Variants in BMPR2 observed in about 807,000 individuals in gnomAD.
BMPR2 encodes bone morphogenetic protein receptor type-2.
BMPR2 carries 29 observed loss-of-function variants against 100.8 expected under a neutral mutation model. The observed-to-expected ratio is 0.29, with a 90% CI of 0.21 to 0.39. BMPR2 has a LOEUF of 0.39. BMPR2 is among the 10% of genes least tolerant of loss of function. BMPR2 has a pLI of 1.00. For missense variants in BMPR2, 1,011 were observed against 1,274.5 expected, an observed-to-expected ratio of 0.79 and a Z score of 3.15; for synonymous variants, 382 against 442.3, an observed-to-expected ratio of 0.86 and a Z score of 1.71.
rs1688576527 is a variant in BMPR2 at position 202,556,549 on chromosome 2, A to G, written c.2866+18A>G. On this transcript the variant is annotated intron_variant, in intron 12 of 12. Transcript: ENST00000374580. ...TATACAGAGTAAGTGGAGGGATCAT[A>G]TAATCTCTCCTGTGTGTCTTTTGGG... The G allele has an allele frequency of 6.2e-7, 1 of 1,609,158 alleles. No individual in the cohort carries two copies. The highest frequency in any genetic ancestry group is 8.5e-7 in the Non-Finnish European group (1 of 1,179,614).
At chr2:202,380,292 C>G (rs2105894340) in intron 1 of BMPR2, among the ~76,000 whole-genome samples, 2 of 151,976 alleles carry the variant, frequency 1.3e-5, no homozygotes, top group Middle Eastern at 6.8e-3. Flanking sequence ...ATTTAAAGGT[C>G]AACTTCTGTA....
At chr2:202,455,234 C>T (rs1017599768) in intron 1 of BMPR2, among the ~76,000 whole-genome samples, 7 of 151,998 alleles carry the variant, frequency 4.6e-5, no homozygotes, top group African/African-American at 1.4e-4. Flanking sequence ...TCACACTAAC[C>T]GTATTTCAAG....
rs535884753 is a variant in BMPR2, at chr2:202,429,676, G to C, written c.77-35133G>C. Among the ~76,000 whole-genome samples, 114 of 152,218 alleles carry C rather than the reference G, an allele frequency of 7.5e-4. 1 individual carries two copies. The Middle Eastern group carries it at 0.01, about 14-fold the overall frequency. On this transcript the variant is annotated intron_variant, in intron 1 of 12. Transcript: ENST00000374580. ...GACTGAGTAATTTATAAAGGAAAGA[G>C]GTTTAATTGACTCACAGTTCCACAT...
chr2:202,428,367 T>C (rs933384203), intron 1 of BMPR2, among the ~76,000 whole-genome samples: 3 of 151,474 alleles, frequency 2.0e-5, no homozygotes, highest in African/African-American at 4.9e-5. Context: ...GTCGAGTCTG[T>C]CTCTCTCCTT....
chr2:202,385,727 CTG>C (rs1308331661), intron 1 of BMPR2, among the ~76,000 whole-genome samples: 15 of 69,760 alleles, frequency 2.2e-4, no homozygotes, highest in East Asian at 8.3e-4. Context: ...TTAATTATAT[CTG>C]TTTTTTTTAC....
intron 1 of BMPR2, among the ~76,000 whole-genome samples, chr2:202,382,646 G>T (rs1690328217): frequency 6.6e-6 from 1 of 152,218 alleles, no homozygotes. Context: ...ATATTCTAGG[G>T]TTGTTTATTG....
chr2:202,426,897 A>C (rs1350768746), intron 1 of BMPR2, among the ~76,000 whole-genome samples: 1 of 152,108 alleles, frequency 6.6e-6, no homozygotes, highest in East Asian at 1.9e-4. Flanking sequence ...AGTAAAATAA[A>C]ATAAATTGCT....
rs1454725485 is a variant in BMPR2 at position 202,503,155 on chromosome 2, T to C, written c.419-10564T>C. Reference sequence around the variant, plus strand: ...CAGCAGGAAATAGCTAGAGCGGTCATTGGCCAAATTCCCAACAGCATTTGG... The same window carrying C: ...CAGCAGGAAATAGCTAGAGCGGTCACTGGCCAAATTCCCAACAGCATTTGG... On this transcript the variant is annotated intron_variant, in intron 3 of 12. Coordinates refer to ENST00000374580, the MANE Select transcript of BMPR2 (RefSeq NM_001204.7). The surrounding 1 kb of genome is among the most constrained non-coding windows in gnomAD (Gnocchi z 4.0). Among the ~76,000 whole-genome samples the C allele has an allele frequency of 6.6e-6, 1 of 152,206 alleles. No individual in the cohort carries two copies. Among genetic ancestry groups the C allele is most frequent in the East Asian group, 1.9e-4 (1 of 5,194 alleles).
chr2:202,484,441 G>A (rs1479026724), intron 3 of BMPR2, among the ~76,000 whole-genome samples: 5 of 150,866 alleles, frequency 3.3e-5, no homozygotes, highest in South Asian at 2.1e-4. Flanking sequence ...TTGGGAGGCC[G>A]AGGCGGGTGG....
intron 1 of BMPR2, among the ~76,000 whole-genome samples, chr2:202,423,748 C>T (rs1242950708): frequency 6.6e-6 from 1 of 151,994 alleles, no homozygotes; most frequent in Non-Finnish European, 1.5e-5. Context: ...CATAAGACCT[C>T]CTCTCTAAAA....
intron 10 of BMPR2, among the ~76,000 whole-genome samples, chr2:202,549,376 T>A (rs1009929720): frequency 6.6e-6 from 1 of 152,212 alleles, no homozygotes; most frequent in Admixed American, 6.5e-5. Flanking sequence ...CAGTTTCAAC[T>A]TTTATAAATA....
Position 202,556,370 on chromosome 2 carries a change from C to G in BMPR2, c.2705C>G (p.Ser902Cys). ...ERPLEGGRTN[S>C]NNNNSNPCSE... The stretch of plus-strand genomic sequence containing the variant: ...CCACTAGAAGGTGGCCGAACTAATT[C>G]CAATAACAACAACAGCAATCCATGT... The change falls in exon 12 of 13, where the codon TCC becomes TGC. Residue 902 changes from serine (S) to cysteine (C), a missense_variant. Ser to Cys is a moderately radical substitution (Grantham distance 112). Coordinates refer to ENST00000374580, the MANE Select transcript of BMPR2 (RefSeq NM_001204.7). 1 of 1,614,146 alleles carries G rather than the reference C, an allele frequency of 6.2e-7. No homozygotes were observed.
intron 1 of BMPR2, among the ~76,000 whole-genome samples, chr2:202,408,681 C>G (rs983861908): frequency 6.6e-6 from 1 of 152,142 alleles, no homozygotes; most frequent in Non-Finnish European, 1.5e-5. Context: ...TGAAGGACTT[C>G]CAGGCACTGT....
chr2:202,503,765 G>A lies in BMPR2; in HGVS notation c.419-9954G>A, dbSNP rs1394915295. Among the ~76,000 whole-genome samples the A allele has an allele frequency of 1.3e-5, 2 of 152,234 alleles. No individual in the cohort carries two copies. Among genetic ancestry groups the A allele is most frequent in the African/African-American group, 4.8e-5 (2 of 41,460 alleles). On this transcript the variant is annotated intron_variant, in intron 3 of 12. Coordinates refer to ENST00000374580, the MANE Select transcript of BMPR2 (RefSeq NM_001204.7). The surrounding 1 kb of genome is among the most constrained non-coding windows in gnomAD (Gnocchi z 4.0). ...GGGCTGAGGAGTGTGAGCGCACGGTGTGGGACTGGCAGGCAGCTCCACCTG... is the reference window on the plus strand; with the variant it reads ...GGGCTGAGGAGTGTGAGCGCACGGTATGGGACTGGCAGGCAGCTCCACCTG...
At chr2:202,386,691 T>C (rs1690434132) in intron 1 of BMPR2, among the ~76,000 whole-genome samples, 1 of 151,976 alleles carries the variant, frequency 6.6e-6, no homozygotes, top group Non-Finnish European at 1.5e-5. Context: ...TTTCTTTTTT[T>C]TTTTTGCCAG....
At chr2:202,385,817 A>G (rs2105898938) in intron 1 of BMPR2, among the ~76,000 whole-genome samples, 1 of 152,004 alleles carries the variant, frequency 6.6e-6, no homozygotes, top group East Asian at 1.9e-4. Context: ...CATTGAGTGT[A>G]TTTGTTATTT....
rs755516081 is a variant in BMPR2, at chr2:202,377,448, C to T, written c.-27C>T. 3 of 1,612,212 alleles carry T rather than the reference C, an allele frequency of 1.9e-6. No homozygotes were observed. Among genetic ancestry groups the T allele is most frequent in the East Asian group, 2.2e-5 (1 of 44,884 alleles). ...CTACTTCCCATATTTCTTTTCTTTGCCCTCCTGATTCTTGGCTGGCCCAGG... is the reference window on the plus strand; with the variant it reads ...CTACTTCCCATATTTCTTTTCTTTGTCCTCCTGATTCTTGGCTGGCCCAGG... On this transcript the variant is annotated 5_prime_UTR_variant, in exon 1 of 13. Coordinates refer to ENST00000374580, the MANE Select transcript of BMPR2 (RefSeq NM_001204.7).
chr2:202,408,189 G>A (rs1434426344), intron 1 of BMPR2, among the ~76,000 whole-genome samples: 1 of 152,186 alleles, frequency 6.6e-6, no homozygotes, highest in Non-Finnish European at 1.5e-5. Context: ...TCTGTTTGTT[G>A]TATAAAATAA....
chr2:202,417,690 G>A (rs1691163313), intron 1 of BMPR2, among the ~76,000 whole-genome samples: 2 of 151,664 alleles, frequency 1.3e-5, no homozygotes, highest in African/African-American at 4.8e-5. Flanking sequence ...GGAGTGCAGG[G>A]GCCTGATCAT....
Sources: allele counts gnomAD v4.1 joint callset (sites outside exome capture counted in the v4.1 genomes callset), GRCh38; gene constraint gnomAD v4.1.1; non-coding constraint Gnocchi (gnomAD v3.1); transcripts MANE v1.5; gene names NCBI Gene and HGNC (gene_info 2026-07-23, HGNC 2026-07-21).